Variants in PIGK observed in about 807,000 individuals in gnomAD.
The protein encoded by PIGK is phosphatidylinositol glycan anchor biosynthesis class K, also known as GPI-anchor transamidase.
A neutral mutation model predicts 50.6 loss-of-function variants in PIGK; 42 were observed. That is an observed-to-expected ratio of 0.83 (90% CI 0.65 to 1.07). The LOEUF is 1.07. PIGK is among the 50% of genes least tolerant of loss of function. The pLI is 0.00. For missense variants in PIGK, 448 were observed against 488.7 expected (o/e 0.92, Z 0.78); for synonymous variants, 151 against 156.0 (o/e 0.97, Z 0.24).
chr1:77,176,305 AAG>A (rs1655489323), intron 3 of PIGK, among the ~76,000 whole-genome samples: 1 of 152,198 alleles, frequency 6.6e-6, no homozygotes, highest in Non-Finnish European at 1.5e-5. Flanking sequence ...AAGAATCCAA[AAG>A]ACAGGTAAAC....
At chr1:77,140,530 A>T (rs1654626443) in intron 9 of PIGK, among the ~76,000 whole-genome samples, 1 of 152,146 alleles carries the variant, frequency 6.6e-6, no homozygotes, top group African/African-American at 2.4e-5. Context: ...ATTTCTTTAT[A>T]GCAGTGCAAG....
chr1:77,196,493 T>G (rs981563332), intron 3 of PIGK, among the ~76,000 whole-genome samples: 3 of 152,206 alleles, frequency 2.0e-5, no homozygotes, highest in African/African-American at 7.2e-5. Flanking sequence ...CTTTTATTTT[T>G]TGACTTTTTA....
intron 9 of PIGK, among the ~76,000 whole-genome samples, chr1:77,148,173 T>A (rs1654813017): frequency 6.6e-6 from 1 of 152,176 alleles, no homozygotes; most frequent in South Asian, 2.1e-4. Context: ...TGATATCTGA[T>A]CTCTCATTAT....
intron 3 of PIGK, among the ~76,000 whole-genome samples, chr1:77,204,957 C>T (rs1407244654): frequency 6.6e-6 from 1 of 152,260 alleles, no homozygotes; most frequent in South Asian, 2.1e-4. Context: ...TACCCCACTA[C>T]AAAGACTTCA....
At chr1:77,171,229 G>T (rs1215517507) in intron 3 of PIGK, among the ~76,000 whole-genome samples, 1 of 151,814 alleles carries the variant, frequency 6.6e-6, no homozygotes, top group African/African-American at 2.4e-5. Context: ...GAGGTCAGGA[G>T]ATCGAGACCA....
At chr1:77,166,605 G>A (rs1042107353) in intron 5 of PIGK, 114 bp downstream of exon 5, 9 of 584,914 alleles carry the variant, frequency 1.5e-5, no homozygotes, top group Non-Finnish European at 2.7e-5. Flanking sequence ...ATAACTACAT[G>A]AGAAACCATT....
intron 3 of PIGK, among the ~76,000 whole-genome samples, chr1:77,197,459 C>G (rs897340679): frequency 2.0e-5 from 3 of 152,190 alleles, no homozygotes; most frequent in African/African-American, 7.2e-5. Context: ...ACAGACTATT[C>G]TGAATTCCTC....
chr1:77,106,641 A>G (rs1208898072), intron 10 of PIGK, among the ~76,000 whole-genome samples: 1 of 152,122 alleles, frequency 6.6e-6, no homozygotes, highest in East Asian at 1.9e-4. Context: ...TTACTCAATG[A>G]CAATAACCTG....
At chr1:77,153,795 A>G (rs1654945744) in intron 9 of PIGK, 5 of 152,158 alleles carry the variant, frequency 3.3e-5, no homozygotes. Flanking sequence ...AAAGTTCCCT[A>G]TAGTATGAGT....
rs550439015 is a variant in PIGK, at chr1:77,131,764, T to A, written c.987-9405A>T. Among the ~76,000 whole-genome samples, 10 of 152,272 alleles carry A rather than the reference T, an allele frequency of 6.6e-5. No homozygotes were observed. The East Asian group carries it at 1.9e-3, about 29-fold the overall frequency. On this transcript the variant is annotated intron_variant, in intron 9 of 10. Coordinates refer to ENST00000370812, the MANE Select transcript of PIGK (RefSeq NM_005482.3). ...TTTTAAGATAATTTCTATTTGGTCATGAAATGTTTTTATACATTACTGAAT... is the reference window on the plus strand; with the variant it reads ...TTTTAAGATAATTTCTATTTGGTCAAGAAATGTTTTTATACATTACTGAAT...
chr1:77,156,126 T>C (rs1053349175), intron 8 of PIGK, among the ~76,000 whole-genome samples: 1 of 151,162 alleles, frequency 6.6e-6, no homozygotes, highest in Admixed American at 6.6e-5. Flanking sequence ...AGATAGAAGA[T>C]TGGAGAAAAA....
In PIGK at chr1:77,161,339, A is replaced by G. The variant is rs762366457; in HGVS notation, c.769T>C (p.Leu257=). 6.2e-7 allele frequency: 1 copy of G among 1,605,506 alleles called. No individual in the cohort carries two copies. The highest frequency in any genetic ancestry group is 1.7e-5 in the Admixed American group (1 of 60,006). Residue 257 remains leucine (L), a synonymous_variant, in exon 8 of 11, where the codon TTG becomes CTG. Coordinates refer to ENST00000370812, the MANE Select transcript of PIGK (RefSeq NM_005482.3). The stretch of plus-strand genomic sequence containing the variant: ...TGGCTAGCTGGGTTAATTTCTTCCA[A>G]AAATTCCAAGACATAAAATGTGTAT... ...DRYTFYVLEF[L]EEINPASQTN...
chr1:77,165,107 C>T (rs1311763109), intron 5 of PIGK, among the ~76,000 whole-genome samples: 1 of 152,078 alleles, frequency 6.6e-6, no homozygotes, highest in East Asian at 1.9e-4. Flanking sequence ...CCAAAACAGG[C>T]AGCCAGTTCA....
rs567602732 is a variant in PIGK, at chr1:77,158,635, C to A, written c.813+2660G>T. Among the ~76,000 whole-genome samples, 15 of 152,292 alleles carry A rather than the reference C, an allele frequency of 9.8e-5. 1 individual carries two copies. In the South Asian group the frequency reaches 2.7e-3, roughly 27 times the overall value. ...ACTGGGAATTGGAGCAAAGGTGATT[C>A]TTGCTATGCTTTAGCAAAGAGACTG... On this transcript the variant is annotated intron_variant, in intron 8 of 10. Transcript: ENST00000370812.
At chr1:77,107,918 C>CT (rs905170111) in intron 10 of PIGK, among the ~76,000 whole-genome samples, 4 of 151,926 alleles carry the variant, frequency 2.6e-5, no homozygotes, top group African/African-American at 7.3e-5. Flanking sequence ...CAATCCCTGC[C>CT]TTTTTTTGTT....
intron 10 of PIGK, among the ~76,000 whole-genome samples, chr1:77,107,051 AT>A (rs1287433365): frequency 6.6e-6 from 1 of 152,096 alleles, no homozygotes; most frequent in East Asian, 1.9e-4. Context: ...TCCTGGATTC[AT>A]TGAATTTTCG....
At chr1:77,129,037 A>G (rs1324655983) in intron 9 of PIGK, 2 of 767,670 alleles carry the variant, frequency 2.6e-6, no homozygotes, top group Non-Finnish European at 2.4e-6. Flanking sequence ...CTGAGACCAT[A>G]TGGCCTATGA....
At chr1:77,182,612 C>T (rs933297826) in intron 3 of PIGK, among the ~76,000 whole-genome samples, 8 of 151,970 alleles carry the variant, frequency 5.3e-5, no homozygotes, top group Admixed American at 2.0e-4. Context: ...CTCTAGAGAA[C>T]CTTGACTAGT....
intron 10 of PIGK, among the ~76,000 whole-genome samples, chr1:77,114,174 T>C (rs1028404368): frequency 2.6e-5 from 4 of 152,128 alleles, no homozygotes; most frequent in Non-Finnish European, 5.9e-5. Flanking sequence ...AAGGAGGAAG[T>C]ATACCACAGT....
Sources: gnomAD v4.1 joint callset for allele counts (sites outside exome capture counted in the v4.1 genomes callset) on GRCh38, gnomAD v4.1.1 for gene constraint, MANE v1.5 for transcripts, NCBI Gene and HGNC (gene_info 2026-07-23, HGNC 2026-07-21) for gene names.